UCHL5: variants seen among roughly 807,000 people sequenced by gnomAD.
UCHL5 encodes the protein ubiquitin C-terminal hydrolase L5.
UCHL5 carries 34 observed loss-of-function variants against 53.8 expected under a neutral mutation model. That is an observed-to-expected ratio of 0.63 (90% confidence interval 0.48 to 0.84). The LOEUF (loss-of-function observed/expected upper bound fraction) is 0.84, where lower values mean the gene tolerates loss of function less well. Among genes scored for constraint, UCHL5 ranks in the 40% least tolerant of loss-of-function variants. UCHL5 has a pLI of 0.00. For synonymous variants in UCHL5, 111 were observed against 126.3 expected, an observed-to-expected ratio of 0.88 and a Z score of 0.81; for missense variants, 290 against 385.6, an observed-to-expected ratio of 0.75 and a Z score of 2.08.
Position 193,016,153 on chromosome 1 carries a change from T to G in UCHL5, c.*198A>C, listed in dbSNP as rs2102225719. 1.9e-6 allele frequency: 1 copy of G among 518,378 alleles called. No homozygotes were observed. Among genetic ancestry groups the G allele is most frequent in the African/African-American group, 2.0e-5 (1 of 50,568 alleles). The allele number at this position is 518,378 out of a possible 1,614,324, so 32.1% of individuals were successfully genotyped here. A position where few individuals can be genotyped will look rare whatever the true frequency, so the allele number is the denominator to read the frequency against. On this transcript the variant is annotated 3_prime_UTR_variant, in exon 11 of 11. Coordinates refer to ENST00000367454, the MANE Select transcript of UCHL5 (RefSeq NM_001199261.3). ...TTGGGAAAGCATTCTTAATATCACT[T>G]TCATTTAATATGCACTACATGCACA...
chr1:193,027,888 C>T (rs745658162), intron 7 of UCHL5, 197 bp downstream of exon 7: 16 of 1,468,154 alleles, frequency 1.1e-5, no homozygotes, highest in Admixed American at 2.2e-5. Context: ...TTTGGGAGGT[C>T]GAGGCAGGCG....
chr1:193,053,410 C>T (rs1669679980), intron 1 of UCHL5, among the ~76,000 whole-genome samples: 1 of 152,204 alleles, frequency 6.6e-6, no homozygotes, highest in Admixed American at 6.5e-5. Context: ...AGCGACACTG[C>T]TTAAACAATC....
In UCHL5 at chr1:193,016,290, C is replaced by T; in HGVS notation, c.*61G>A. ...AGGATGTTGCTCTAAGTTCTTTATA[C>T]ATAATGGTTTCCATGAAAATATGTG... On this transcript the variant is annotated 3_prime_UTR_variant, in exon 11 of 11. Coordinates refer to ENST00000367454, the MANE Select transcript of UCHL5 (RefSeq NM_001199261.3). The T allele has an allele frequency of 6.3e-7, 1 of 1,582,374 alleles. No individual in the cohort carries two copies. Among genetic ancestry groups the T allele is most frequent in the Non-Finnish European group, 8.6e-7 (1 of 1,166,304 alleles).
At chr1:193,028,322 C>A (rs1244524783) in intron 6 of UCHL5, among the ~76,000 whole-genome samples, 174 bp from the exon 7 acceptor site, 1 of 151,848 alleles carries the variant, frequency 6.6e-6, no homozygotes, top group Non-Finnish European at 1.5e-5. Context: ...TTTTATAACA[C>A]ACATAGAAAA....
chr1:193,040,755 A>G (rs1050211677), intron 3 of UCHL5, among the ~76,000 whole-genome samples: 3 of 152,236 alleles, frequency 2.0e-5, no homozygotes, highest in South Asian at 2.1e-4. Context: ...GTGTCCATCA[A>G]TGGATGAATG....
At chr1:193,038,361 CAGG>C (rs1664337573) in intron 3 of UCHL5, among the ~76,000 whole-genome samples, 1 of 150,698 alleles carries the variant, frequency 6.6e-6, no homozygotes, top group South Asian at 2.1e-4. Context: ...GAGGCTGAGG[CAGG>C]AGAATGGCGT....
intron 7 of UCHL5, chr1:193,027,803 C>T: frequency 1.2e-6 from 1 of 822,650 alleles, no homozygotes. Context: ...CTGAAATAGA[C>T]TTCTTAAATG....
At chr1:193,031,072 G>A (rs1038030654) in intron 3 of UCHL5, among the ~76,000 whole-genome samples, 2 of 152,238 alleles carry the variant, frequency 1.3e-5, no homozygotes, top group South Asian at 4.1e-4. Flanking sequence ...TGACTTATAC[G>A]AATATGTATT....
At chr1:193,022,024 T>C (rs1436988451) in intron 9 of UCHL5, among the ~76,000 whole-genome samples, 1 of 152,156 alleles carries the variant, frequency 6.6e-6, no homozygotes. Context: ...CATAAGTATA[T>C]ATAAAGATGG....
chr1:193,026,226 T>C (rs909005150), intron 7 of UCHL5, among the ~76,000 whole-genome samples: 1 of 150,716 alleles, frequency 6.6e-6, no homozygotes, highest in Non-Finnish European at 1.5e-5. Context: ...AAAATTTTGG[T>C]ATCTACACCG....
chr1:193,019,952 T>C (rs1656318217), intron 10 of UCHL5: 2 of 982,192 alleles, frequency 2.0e-6, no homozygotes, highest in Non-Finnish European at 1.2e-6. Flanking sequence ...CAGAAAAACA[T>C]TTGATATGAT....
intron 3 of UCHL5, among the ~76,000 whole-genome samples, chr1:193,045,266 C>A (rs991726343): frequency 1.3e-5 from 2 of 152,152 alleles, no homozygotes; most frequent in East Asian, 3.8e-4. Context: ...GGAAGAAACA[C>A]AATTAATTAA....
intron 1 of UCHL5, 42 bp from the exon 2 acceptor site, chr1:193,051,859 A>C: frequency 7.1e-7 from 1 of 1,409,546 alleles, no homozygotes; most frequent in Non-Finnish European, 9.8e-7. Context: ...AGGATAATTC[A>C]TTTTTTCCTT....
chr1:193,059,686 C>G (rs763637741), upstream of UCHL5: 5 of 1,361,562 alleles, frequency 3.7e-6, no homozygotes, highest in East Asian at 4.6e-5. The surrounding 1 kb of genome is among the most constrained non-coding windows in gnomAD (Gnocchi z 4.9). Context: ...TGTCGCTGCC[C>G]GTCAGGCTGC....
chr1:193,019,924 T>C, intron 10 of UCHL5: 1 of 975,644 alleles, frequency 1.0e-6, no homozygotes, highest in Middle Eastern at 5.3e-4. Flanking sequence ...CATTTTATAG[T>C]TATTTTAATA....
upstream of UCHL5, chr1:193,059,588 G>A: frequency 1.4e-6 from 2 of 1,473,524 alleles, no homozygotes; most frequent in East Asian, 3.1e-5. This position sits in a 1 kb window ranked among gnomAD's most constrained non-coding sequence, Gnocchi z 4.9. Flanking sequence ...TGGGGCGGAG[G>A]CGGGGCAAAA....
intron 7 of UCHL5, among the ~76,000 whole-genome samples, chr1:193,026,683 T>C (rs552602044): frequency 1.8e-3 from 272 of 151,690 alleles, no homozygotes; most frequent in African/African-American, 6.5e-3. Flanking sequence ...GAAAAGAGTT[T>C]GGTAGTTTCT....
In UCHL5 at chr1:193,029,517, G is replaced by A; in HGVS notation, c.372+15C>T. The stretch of plus-strand genomic sequence containing the variant: ...CACAAATATGACATTTTAGGAATAA[G>A]AAGATTGTACTCACAGCTGCATCAA... On this transcript the variant is annotated intron_variant, in intron 4 of 10. Coordinates refer to ENST00000367454, the MANE Select transcript of UCHL5 (RefSeq NM_001199261.3). The A allele has an allele frequency of 6.2e-7, 1 of 1,612,758 alleles. No individual in the cohort carries two copies. Among genetic ancestry groups the A allele is most frequent in the East Asian group, 2.2e-5 (1 of 44,826 alleles).
chr1:193,052,351 C>T (rs1288232854), intron 1 of UCHL5, among the ~76,000 whole-genome samples: 1 of 152,040 alleles, frequency 6.6e-6, no homozygotes, highest in Non-Finnish European at 1.5e-5. Context: ...GATTTTGTTC[C>T]CCAGGGAACA....
Sources: gnomAD v4.1 joint callset for allele counts (sites outside exome capture counted in the v4.1 genomes callset) on GRCh38, gnomAD v4.1.1 for gene constraint, Gnocchi (gnomAD v3.1) non-coding constraint, MANE v1.5 for transcripts, NCBI Gene and HGNC (gene_info 2026-07-23, HGNC 2026-07-21) for gene names.